EXOC4: variants seen among roughly 807,000 people sequenced by gnomAD.
The protein encoded by EXOC4 is SEC8-like 1.
In EXOC4, 71 loss-of-function variants were observed where a neutral mutation model predicts 107.2. That is an observed-to-expected ratio of 0.66 (90% CI 0.55 to 0.81). The LOEUF (loss-of-function observed/expected upper bound fraction) is 0.81, where lower values mean the gene tolerates loss of function less well. EXOC4 is among the 30% of genes least tolerant of loss of function. The probability of loss-of-function intolerance (pLI) is 0.00; values close to 1 mark genes in which losing one functional copy is unlikely to be tolerated. For missense variants in EXOC4, 1,108 were observed against 1,189.6 expected (o/e 0.93, Z 1.01); for synonymous variants, 456 against 441.2 (o/e 1.03, Z -0.42).
At chr7:133,508,023 G>A (rs574213414) in intron 9 of EXOC4, among the ~76,000 whole-genome samples, 1 of 152,096 alleles carries the variant, frequency 6.6e-6, no homozygotes, top group Admixed American at 6.5e-5. Context: ...TCGCGCCATT[G>A]CACTCTCAGC....
intron 9 of EXOC4, among the ~76,000 whole-genome samples, chr7:133,621,552 C>A (rs1802330431): frequency 6.6e-6 from 1 of 152,300 alleles, no homozygotes; most frequent in South Asian, 2.1e-4. Flanking sequence ...ACATGCTGTT[C>A]TTTTTACTTC....
intron 16 of EXOC4, among the ~76,000 whole-genome samples, chr7:134,005,386 CAA>C (rs1470535368): frequency 6.6e-6 from 1 of 152,126 alleles, no homozygotes; most frequent in African/African-American, 2.4e-5. Context: ...CAAATTAACT[CAA>C]GAGGAGCTTA....
intron 9 of EXOC4, among the ~76,000 whole-genome samples, chr7:133,589,327 G>A (rs946138965): frequency 1.3e-5 from 2 of 152,182 alleles, no homozygotes; most frequent in Non-Finnish European, 2.9e-5. Context: ...GAAAGCTGAT[G>A]AGGAGAATGC....
intron 9 of EXOC4, among the ~76,000 whole-genome samples, chr7:133,519,709 A>G (rs1799946064): frequency 6.6e-6 from 1 of 152,206 alleles, no homozygotes; most frequent in Admixed American, 6.5e-5. Context: ...TGAGAATTCA[A>G]AATAGTTTAG....
At chr7:133,556,712 A>G (rs1041551299) in intron 9 of EXOC4, among the ~76,000 whole-genome samples, 2 of 152,180 alleles carry the variant, frequency 1.3e-5, no homozygotes, top group Non-Finnish European at 1.5e-5. Context: ...GACATGAGGG[A>G]GATAAGGCAC....
intron 7 of EXOC4, among the ~76,000 whole-genome samples, chr7:133,398,650 A>G (rs1306652082): frequency 6.6e-6 from 1 of 152,062 alleles, no homozygotes; most frequent in African/African-American, 2.4e-5. Flanking sequence ...AGGTTTAGAG[A>G]GGGAGCTAAA....
chr7:134,091,294 G>A, the EXOC4 span, among the ~76,000 whole-genome samples: 29 of 152,186 alleles, frequency 1.9e-4, no homozygotes, highest in Admixed American at 9.2e-4. Flanking sequence ...TAAACAAGGA[G>A]TGGATTATTC....
chr7:134,064,112 A>C (rs1456669182), intron 17 of EXOC4, among the ~76,000 whole-genome samples, 179 bp from the exon 18 acceptor site: 1 of 152,224 alleles, frequency 6.6e-6, no homozygotes, highest in African/African-American at 2.4e-5. Flanking sequence ...CATGAGCTCC[A>C]AAGGACAGAG....
intron 13 of EXOC4, among the ~76,000 whole-genome samples, 161 bp downstream of exon 13, chr7:133,917,899 G>T (rs1179673534): frequency 6.6e-6 from 1 of 152,002 alleles, no homozygotes; most frequent in African/African-American, 2.4e-5. Flanking sequence ...CATTTCCCAT[G>T]CAAGTGTGCC....
chr7:133,659,377 C>G (rs987331510), intron 10 of EXOC4, among the ~76,000 whole-genome samples: 1 of 152,148 alleles, frequency 6.6e-6, no homozygotes, highest in Admixed American at 6.6e-5. Flanking sequence ...CATTCCCTCA[C>G]TCATTGATTC....
intron 1 of EXOC4, among the ~76,000 whole-genome samples, chr7:133,263,608 C>T (rs964888935): frequency 6.6e-6 from 1 of 151,976 alleles, no homozygotes; most frequent in African/African-American, 2.4e-5. Flanking sequence ...TCTCAAACTC[C>T]TGGCCTCAAG....
intron 10 of EXOC4, among the ~76,000 whole-genome samples, chr7:133,687,290 A>G (rs776787357): frequency 1.7e-4 from 26 of 151,910 alleles, no homozygotes; most frequent in Non-Finnish European, 3.1e-4. Flanking sequence ...AAAGACTACA[A>G]ATTGGGTTTA....
At position 134,042,896 on chromosome 7, in the gene EXOC4, C is replaced by T. The variant is rs917555568; in HGVS notation, c.2688-21395C>T. Among the ~76,000 whole-genome samples the T allele has an allele frequency of 1.1e-4, 16 of 152,234 alleles. No homozygotes were observed. In the East Asian group the frequency reaches 2.9e-3, roughly 28 times the overall value. On this transcript the variant is annotated intron_variant, in intron 17 of 17. Transcript: ENST00000253861. ...TAGTAAACATGCAAAAATTAGCTGG[C>T]CGTGGTGGCGCATGCCTGTAATCTC... is the stretch of plus-strand genomic sequence containing the variant.
At chr7:134,054,367 A>T (rs7798232) in intron 17 of EXOC4, among the ~76,000 whole-genome samples, 26,849 of 152,140 alleles carry the variant, frequency 0.18, 2,749 homozygotes, top group African/African-American at 0.27. Flanking sequence ...TTGAATGAAT[A>T]TAGGAGGTTA....
intron 14 of EXOC4, among the ~76,000 whole-genome samples, chr7:133,955,320 C>T (rs538801407): frequency 2.6e-5 from 4 of 152,256 alleles, no homozygotes; most frequent in African/African-American, 9.6e-5. Context: ...GTATTCAGCT[C>T]TCAGCATAGA....
At chr7:133,833,163 A>G (rs1797846694) in intron 11 of EXOC4, among the ~76,000 whole-genome samples, 1 of 152,080 alleles carries the variant, frequency 6.6e-6, no homozygotes, top group Non-Finnish European at 1.5e-5. Flanking sequence ...ACTCTGCAAA[A>G]CTTAACACAA....
rs577149423 is a variant in EXOC4 at position 133,699,259 on chromosome 7, C to T, written c.1514+69118C>T. 3.9e-5 allele frequency among the ~76,000 whole-genome samples: 6 copies of T among 152,124 alleles called. No individual in the cohort carries two copies. In the South Asian group the frequency reaches 6.2e-4, roughly 16 times the overall value. On this transcript the variant is annotated intron_variant, in intron 10 of 17. Transcript: ENST00000253861. The stretch of plus-strand genomic sequence containing the variant: ...GTCCATTCCTCAAAAGAGCCTTCTC[C>T]GCCTGACACTTTCCTAGACTGAGTC...
At chr7:133,900,736 T>C (rs1799433072) in intron 12 of EXOC4, among the ~76,000 whole-genome samples, 1 of 152,178 alleles carries the variant, frequency 6.6e-6, no homozygotes, top group Non-Finnish European at 1.5e-5. Context: ...AGAGGTAAAC[T>C]TGATAAGACT....
chr7:133,937,795 T>C (rs1479003632), intron 13 of EXOC4, 96 bp from the exon 14 acceptor site: 2 of 1,161,838 alleles, frequency 1.7e-6, no homozygotes, highest in African/African-American at 3.0e-5. Flanking sequence ...ATAGTGCTCA[T>C]GTCAGTCCTT....
Sources: allele counts gnomAD v4.1 joint callset (sites outside exome capture counted in the v4.1 genomes callset), GRCh38; gene constraint gnomAD v4.1.1; transcripts MANE v1.5; gene names NCBI Gene and HGNC (gene_info 2026-07-23, HGNC 2026-07-21).